UBE2E2: variants seen among roughly 807,000 people sequenced by gnomAD.
UBE2E2 encodes the protein ubiquitin-conjugating enzyme E2 E2.
In UBE2E2, 6 loss-of-function variants were observed where a neutral mutation model predicts 24.7. That is an observed-to-expected ratio of 0.24 (90% CI 0.13 to 0.48). The LOEUF (loss-of-function observed/expected upper bound fraction) is 0.48, where lower values mean the gene tolerates loss of function less well. UBE2E2 is among the 20% of genes least tolerant of loss of function. The pLI is 0.99. For synonymous variants in UBE2E2, 104 were observed against 83.6 expected, an observed-to-expected ratio of 1.24 and a Z score of -1.33; for missense variants, 169 against 245.0, an observed-to-expected ratio of 0.69 and a Z score of 2.07.
intron 3 of UBE2E2, among the ~76,000 whole-genome samples, chr3:23,276,015 A>G (rs1344625958): frequency 2.6e-5 from 4 of 152,156 alleles, no homozygotes; most frequent in Non-Finnish European, 5.9e-5. Flanking sequence ...GGCTTTGCAG[A>G]TTGATAAGGC....
At chr3:23,385,989 ATT>A (rs1376681993) in intron 3 of UBE2E2, among the ~76,000 whole-genome samples, 1 of 152,208 alleles carries the variant, frequency 6.6e-6, no homozygotes, top group Non-Finnish European at 1.5e-5. Context: ...TTTTCAACTT[ATT>A]TGATGCAAAG....
intron 3 of UBE2E2, among the ~76,000 whole-genome samples, chr3:23,305,015 T>C (rs902301545): frequency 2.0e-5 from 3 of 152,202 alleles, no homozygotes; most frequent in African/African-American, 7.2e-5. Context: ...TTATGTGATA[T>C]CAAAAAGTAT....
chr3:23,515,202 T>G (rs77106047), intron 4 of UBE2E2, among the ~76,000 whole-genome samples: 4,439 of 151,906 alleles, frequency 0.029, 110 homozygotes, highest in East Asian at 0.13. Context: ...GAGAGAGAGA[T>G]AAAGCAGATT....
At chr3:23,218,123 A>G (rs1231086559) in intron 3 of UBE2E2, among the ~76,000 whole-genome samples, 1 of 152,026 alleles carries the variant, frequency 6.6e-6, no homozygotes, top group East Asian at 1.9e-4. Flanking sequence ...TTAAATAAAA[A>G]TTTTCCCAAC....
At chr3:23,466,602 C>CTTT (rs1698924387) in intron 3 of UBE2E2, among the ~76,000 whole-genome samples, 1 of 152,150 alleles carries the variant, frequency 6.6e-6, no homozygotes, top group Admixed American at 6.5e-5. Flanking sequence ...GAGTCTCACT[C>CTTT]TATCGCCCAG....
intron 3 of UBE2E2, among the ~76,000 whole-genome samples, chr3:23,486,709 C>T (rs545881818): frequency 8.7e-4 from 132 of 152,318 alleles, no homozygotes; most frequent in African/African-American, 2.9e-3. Flanking sequence ...AAAGTGGTAA[C>T]TCCTTTCAGC....
intron 4 of UBE2E2, among the ~76,000 whole-genome samples, chr3:23,515,681 G>A (rs1195850427): frequency 6.6e-6 from 1 of 152,080 alleles, no homozygotes; most frequent in Non-Finnish European, 1.5e-5. Context: ...GAAGGGCAAG[G>A]TGCAGTGGCT....
intron 5 of UBE2E2, among the ~76,000 whole-genome samples, chr3:23,564,451 T>C (rs1258823585): frequency 6.6e-6 from 1 of 152,180 alleles, no homozygotes; most frequent in Non-Finnish European, 1.5e-5. Context: ...CTTGTTACCA[T>C]GTTCAATTTT....
chr3:23,497,385 T>C (rs1214475878), intron 3 of UBE2E2, among the ~76,000 whole-genome samples: 1 of 152,246 alleles, frequency 6.6e-6, no homozygotes, highest in Non-Finnish European at 1.5e-5. Flanking sequence ...CATGCAGAGA[T>C]GATTTTTGTC....
At chr3:23,209,860 A>G (rs957519998) in intron 2 of UBE2E2, among the ~76,000 whole-genome samples, 4 of 152,152 alleles carry the variant, frequency 2.6e-5, no homozygotes, top group Admixed American at 6.5e-5. Context: ...CCAAGGTACT[A>G]GAGTATTCAG....
At chr3:23,588,308 G>C (rs1696672803) in intron 5 of UBE2E2, among the ~76,000 whole-genome samples, 1 of 151,952 alleles carries the variant, frequency 6.6e-6, no homozygotes, top group African/African-American at 2.4e-5. Context: ...CGGGGAAAGA[G>C]TGAAATTAGA....
intron 4 of UBE2E2, among the ~76,000 whole-genome samples, chr3:23,508,017 C>G (rs1383417801): frequency 6.6e-6 from 1 of 152,164 alleles, no homozygotes; most frequent in East Asian, 1.9e-4. Flanking sequence ...AGATCATTTT[C>G]ACATTTAACT....
chr3:23,582,658 A>G (rs1431978215), intron 5 of UBE2E2, among the ~76,000 whole-genome samples: 2 of 152,098 alleles, frequency 1.3e-5, no homozygotes, highest in African/African-American at 2.4e-5. Context: ...ATGATCAGTG[A>G]TCATTTTTTC....
intron 3 of UBE2E2, among the ~76,000 whole-genome samples, chr3:23,424,490 T>C (rs564750200): frequency 2.0e-5 from 3 of 152,214 alleles, no homozygotes; most frequent in African/African-American, 7.2e-5. Flanking sequence ...TTGATGGCTT[T>C]TTCTTTGGCT....
intron 3 of UBE2E2, among the ~76,000 whole-genome samples, chr3:23,400,381 G>A (rs1435966078): frequency 2.6e-5 from 4 of 152,024 alleles, no homozygotes; most frequent in Non-Finnish European, 5.9e-5. Context: ...TGTTGGTCAG[G>A]CTGCTCTTGA....
intron 3 of UBE2E2, among the ~76,000 whole-genome samples, chr3:23,401,162 A>G (rs9845340): frequency 6.6e-6 from 1 of 152,152 alleles, no homozygotes; most frequent in Non-Finnish European, 1.5e-5. Flanking sequence ...GGAACCAGCT[A>G]GTGCAGAAGG....
intron 5 of UBE2E2, among the ~76,000 whole-genome samples, chr3:23,538,275 C>A (rs1695312202): frequency 6.6e-6 from 1 of 152,088 alleles, no homozygotes; most frequent in Non-Finnish European, 1.5e-5. Context: ...GTTGGCTTGT[C>A]TTCTGTCAAC....
At chr3:23,291,631 T>C (rs1698766498) in intron 3 of UBE2E2, among the ~76,000 whole-genome samples, 1 of 148,152 alleles carries the variant, frequency 6.7e-6, no homozygotes, top group South Asian at 2.1e-4. Context: ...ATGAGAAAAA[T>C]AAAACAATGT....
At chr3:23,563,090 G>A (rs1258231188) in intron 5 of UBE2E2, among the ~76,000 whole-genome samples, 3 of 152,056 alleles carry the variant, frequency 2.0e-5, no homozygotes, top group Non-Finnish European at 4.4e-5. Context: ...TCTGATCTTA[G>A]TTATTTCTTG....
Sources: allele counts gnomAD v4.1 joint callset (sites outside exome capture counted in the v4.1 genomes callset), GRCh38; gene constraint gnomAD v4.1.1; transcripts MANE v1.5; gene names NCBI Gene and HGNC (gene_info 2026-07-23, HGNC 2026-07-21).